The following THADA variants were observed in gnomAD, a reference collection of about 807,000 sequenced individuals.
THADA encodes THADA armadillo repeat containing.
In THADA, 213 loss-of-function variants were observed where a neutral mutation model predicts 219.8. That is an observed-to-expected ratio of 0.97 (90% CI 0.87 to 1.09). The LOEUF (loss-of-function observed/expected upper bound fraction) is 1.09. Ranked by LOEUF, THADA falls within the 50% of genes least tolerant of loss-of-function variation. The probability of loss-of-function intolerance (pLI) is 0.00; values close to 1 mark genes in which losing one functional copy is unlikely to be tolerated. For synonymous variants in THADA, 1,018 were observed against 828.9 expected (o/e 1.23, Z -3.92); for missense variants, 2,956 against 2,311.3 (o/e 1.28, Z -5.72).
At chr2:43,288,249 T>C (rs1674280556) in intron 34 of THADA, among the ~76,000 whole-genome samples, 1 of 152,178 alleles carries the variant, frequency 6.6e-6, no homozygotes, top group Non-Finnish European at 1.5e-5. Context: ...TGAAACCCTG[T>C]CTCTACTAAT....
intron 29 of THADA, among the ~76,000 whole-genome samples, chr2:43,397,738 C>G (rs1674255349): frequency 6.6e-6 from 1 of 151,368 alleles, no homozygotes; most frequent in African/African-American, 2.4e-5. Context: ...GCAGAAAACA[C>G]AGGATGTATT....
intron 30 of THADA, among the ~76,000 whole-genome samples, chr2:43,323,911 C>T (rs921852098): frequency 5.9e-5 from 9 of 152,132 alleles, no homozygotes; most frequent in South Asian, 2.1e-4. Flanking sequence ...TTCCAAGGAG[C>T]GGCAGCTTGG....
chr2:43,246,179 G>C (rs1368775274), intron 36 of THADA, among the ~76,000 whole-genome samples: 1 of 151,534 alleles, frequency 6.6e-6, no homozygotes, highest in Non-Finnish European at 1.5e-5. Context: ...TCCCTTACTA[G>C]GCACCCGCCT....
intron 29 of THADA, among the ~76,000 whole-genome samples, chr2:43,356,332 G>A (rs1668869004): frequency 6.6e-6 from 1 of 151,880 alleles, no homozygotes. Flanking sequence ...ATGCTAGAAG[G>A]GAATGAAATA....
At chr2:43,462,104 A>T (rs960103169) in intron 26 of THADA, among the ~76,000 whole-genome samples, 2 of 152,192 alleles carry the variant, frequency 1.3e-5, no homozygotes, top group Non-Finnish European at 2.9e-5. Flanking sequence ...TACTTTGTTG[A>T]TTACTATAGA....
At chr2:43,496,691 A>C (rs1688316471) in intron 25 of THADA, among the ~76,000 whole-genome samples, 1 of 152,130 alleles carries the variant, frequency 6.6e-6, no homozygotes, top group African/African-American at 2.4e-5. Flanking sequence ...GTATTGGTAA[A>C]GATCTAAACA....
At chr2:43,403,173 C>T (rs532678473) in intron 28 of THADA, among the ~76,000 whole-genome samples, 1 of 152,270 alleles carries the variant, frequency 6.6e-6, no homozygotes, top group South Asian at 2.1e-4. Flanking sequence ...GTCTGTCTAC[C>T]TACAAAATTC....
intron 30 of THADA, among the ~76,000 whole-genome samples, chr2:43,339,914 C>G (rs1278796680): frequency 6.6e-6 from 1 of 151,834 alleles, no homozygotes. Context: ...GGCAACACAG[C>G]CAGACCTCAT....
At chr2:43,505,564 T>G in intron 24 of THADA, 58 bp downstream of exon 24, 2 of 1,329,378 alleles carry the variant, frequency 1.5e-6, no homozygotes, top group Non-Finnish European at 2.1e-6. Flanking sequence ...TTGAAAAAAG[T>G]GAAAAACAAA....
At chr2:43,283,651 G>C (rs1420640569) in intron 35 of THADA, among the ~76,000 whole-genome samples, 1 of 152,218 alleles carries the variant, frequency 6.6e-6, no homozygotes, top group Non-Finnish European at 1.5e-5. Context: ...TTGAACTTGA[G>C]AGAGATGACT....
Position 43,594,467 on chromosome 2 carries a change from C to T in THADA, c.-25+1464G>A, listed in dbSNP as rs148186765. On this transcript the variant is annotated intron_variant, in intron 1 of 37. Transcript: ENST00000405975. Reference sequence around the variant, plus strand: ...GGTGTGGTGGCAGGCGCCTATAACCCCAGCTACTCCGGAGGCTGAGGCAGG... The same window carrying T: ...GGTGTGGTGGCAGGCGCCTATAACCTCAGCTACTCCGGAGGCTGAGGCAGG... Among the ~76,000 whole-genome samples the T allele has an allele frequency of 5.3e-3, 805 of 152,100 alleles. 6 individuals are homozygous for T. Among genetic ancestry groups the T allele is most frequent in the African/African-American group, 0.017 (716 of 41,480 alleles).
chr2:43,581,548 A>G (rs922472916), intron 8 of THADA, among the ~76,000 whole-genome samples, 193 bp downstream of exon 8: 3 of 151,200 alleles, frequency 2.0e-5, no homozygotes, highest in Non-Finnish European at 4.4e-5. Context: ...GGTCTCAAAA[A>G]AAAAAAAAAA....
chr2:43,498,288 T>C (rs538987056), intron 25 of THADA, among the ~76,000 whole-genome samples: 2 of 152,034 alleles, frequency 1.3e-5, no homozygotes, highest in East Asian at 1.9e-4. Flanking sequence ...ATGATGAAAA[T>C]GTTCCAGAAA....
chr2:43,388,486 T>C (rs1425849606), intron 29 of THADA, among the ~76,000 whole-genome samples: 1 of 152,250 alleles, frequency 6.6e-6, no homozygotes, highest in Non-Finnish European at 1.5e-5. Flanking sequence ...TTTCACTTTA[T>C]GAACTTCAAA....
At chr2:43,578,976 C>T (rs140597184) in intron 8 of THADA, among the ~76,000 whole-genome samples, 2 of 152,136 alleles carry the variant, frequency 1.3e-5, no homozygotes, top group Non-Finnish European at 2.9e-5. Flanking sequence ...GGACTACAGG[C>T]GCGTGCCACC....
At chr2:43,341,348 G>A (rs1667041188) in intron 30 of THADA, among the ~76,000 whole-genome samples, 1 of 152,176 alleles carries the variant, frequency 6.6e-6, no homozygotes, top group South Asian at 2.1e-4. Context: ...AAAATCAGAA[G>A]TGGGGTGGGG....
At chr2:43,256,727 T>C (rs1670353415) in intron 36 of THADA, among the ~76,000 whole-genome samples, 2 of 151,742 alleles carry the variant, frequency 1.3e-5, no homozygotes, top group Admixed American at 1.3e-4. Flanking sequence ...CACAGGTGTG[T>C]ACCATCAAGC....
chr2:43,291,663 T>C (rs1674738886), intron 34 of THADA, 33 bp downstream of exon 34: 2 of 1,497,364 alleles, frequency 1.3e-6, no homozygotes, highest in Admixed American at 2.4e-5. Context: ...CAAAAAATCC[T>C]AGGTCCCGGA....
In THADA at chr2:43,514,963, T is replaced by A. The variant is rs1269724588; in HGVS notation, c.3375-6183A>T. 1.2e-3 allele frequency among the ~76,000 whole-genome samples: 92 copies of A among 74,546 alleles called. 1 individual carries two copies. The highest frequency in any genetic ancestry group is 4.7e-3 in the African/African-American group (84 of 17,800). 48.9% of individuals were successfully genotyped at this position (74,546 alleles called of 152,430 possible). A position where few individuals can be genotyped will look rare whatever the true frequency, so the allele number is the denominator to read the frequency against. On this transcript the variant is annotated intron_variant, in intron 22 of 37. Transcript: ENST00000405975. ...TATTTTATATATAATATATAATATT[T>A]TATATATAATATATAACATTTTATA...
Sources: allele counts gnomAD v4.1 joint callset (sites outside exome capture counted in the v4.1 genomes callset), GRCh38; gene constraint gnomAD v4.1.1; transcripts MANE v1.5; gene names NCBI Gene and HGNC (gene_info 2026-07-23, HGNC 2026-07-21).